Variants in ASIC2 observed in about 807,000 individuals in gnomAD.
ASIC2 encodes acid sensing ion channel subunit 2, also known as acid-sensing ion channel 2.
Under a neutral mutation model 57.3 loss-of-function variants are expected in ASIC2, and 25 were observed. That is an observed-to-expected ratio of 0.44 (90% confidence interval 0.32 to 0.61). The LOEUF is 0.61. Among genes scored for constraint, ASIC2 ranks in the 20% least tolerant of loss-of-function variants. ASIC2 has a pLI of 0.06. For synonymous variants in ASIC2, 319 were observed against 307.5 expected (o/e 1.04, Z -0.39); for missense variants, 641 against 738.1 (o/e 0.87, Z 1.52).
intron 1 of ASIC2, among the ~76,000 whole-genome samples, chr17:33,284,137 TA>T (rs1436362609): frequency 6.6e-6 from 1 of 152,202 alleles, no homozygotes; most frequent in Non-Finnish European, 1.5e-5. Flanking sequence ...ATTAATAGTA[TA>T]AACAATGGTG....
chr17:33,462,440 T>C (rs1294940139), intron 1 of ASIC2, among the ~76,000 whole-genome samples: 1 of 152,178 alleles, frequency 6.6e-6, no homozygotes, highest in Non-Finnish European at 1.5e-5. Flanking sequence ...GTGATCTGAC[T>C]CTGACTATGT....
At chr17:33,350,854 T>C (rs1597694569) in intron 1 of ASIC2, among the ~76,000 whole-genome samples, 2 of 152,178 alleles carry the variant, frequency 1.3e-5, no homozygotes, top group African/African-American at 4.8e-5. Flanking sequence ...TCATAGAAGA[T>C]AGCATCATAG....
rs1221166521 is a variant in ASIC2, at chr17:33,306,562, T to A, written c.556-194495A>T. Among the ~76,000 whole-genome samples, 4 of 152,154 alleles carry A rather than the reference T, an allele frequency of 2.6e-5. No homozygotes were observed. In the South Asian group the frequency reaches 8.3e-4, roughly 32 times the overall value. The stretch of plus-strand genomic sequence containing the variant: ...AACTAAGCCCTCACTTCTCCCACAT[T>A]CCATCCATCACCAAGGGCTGTCGAT... On this transcript the variant is annotated intron_variant, in intron 1 of 9. Coordinates refer to the ASIC2 transcript ENST00000359872.
At chr17:33,351,075 C>T (rs1344177131) in intron 1 of ASIC2, among the ~76,000 whole-genome samples, 1 of 152,194 alleles carries the variant, frequency 6.6e-6, no homozygotes, top group African/African-American at 2.4e-5. Flanking sequence ...CCTTTGGTGT[C>T]AGAAAGCCCT....
chr17:33,760,859 C>A (rs1422262801), intron 1 of ASIC2, among the ~76,000 whole-genome samples: 1 of 152,080 alleles, frequency 6.6e-6, no homozygotes, highest in Admixed American at 6.5e-5. Context: ...GGTCCTGTCC[C>A]CAGGCCCTGA....
intron 1 of ASIC2, among the ~76,000 whole-genome samples, chr17:33,259,515 T>G (rs1050963212): frequency 6.6e-6 from 1 of 151,826 alleles, no homozygotes; most frequent in East Asian, 1.9e-4. Flanking sequence ...AGACAAGGTG[T>G]GCATATCATT....
intron 3 of ASIC2, among the ~76,000 whole-genome samples, chr17:33,038,194 T>C (rs1364108565): frequency 1.3e-5 from 2 of 152,222 alleles, no homozygotes; most frequent in African/African-American, 4.8e-5. Flanking sequence ...TAGTAGGTAC[T>C]TGCCAAGACT....
At chr17:33,063,301 A>G (rs1311611277) in intron 3 of ASIC2, among the ~76,000 whole-genome samples, 3 of 152,190 alleles carry the variant, frequency 2.0e-5, no homozygotes, top group Non-Finnish European at 4.4e-5. Context: ...GGCTGGTACC[A>G]GCTGTTCCTT....
At chr17:33,885,876 G>C (rs549658762) in intron 1 of ASIC2, among the ~76,000 whole-genome samples, 7 of 152,272 alleles carry the variant, frequency 4.6e-5, no homozygotes, top group Non-Finnish European at 8.8e-5. Context: ...ACTGAACTCA[G>C]TAGTGTATTA....
chr17:33,790,263 C>T (rs1340697710), intron 1 of ASIC2, among the ~76,000 whole-genome samples: 1 of 152,070 alleles, frequency 6.6e-6, no homozygotes, highest in African/African-American at 2.4e-5. Context: ...TGATGCATCC[C>T]AACTCTCAAT....
intron 1 of ASIC2, among the ~76,000 whole-genome samples, chr17:34,026,995 A>G (rs1187820002): frequency 6.6e-6 from 1 of 152,224 alleles, no homozygotes; most frequent in East Asian, 1.9e-4. Flanking sequence ...GATTTAACAA[A>G]ATTACCCAGG....
chr17:33,800,742 G>A (rs2142145361), intron 1 of ASIC2, among the ~76,000 whole-genome samples: 1 of 152,274 alleles, frequency 6.6e-6, no homozygotes, highest in Non-Finnish European at 1.5e-5. Flanking sequence ...CAGTATTATA[G>A]TGATAGCAAT....
chr17:33,656,986 G>A (rs1211065745), intron 1 of ASIC2, among the ~76,000 whole-genome samples: 1 of 152,232 alleles, frequency 6.6e-6, no homozygotes, highest in Non-Finnish European at 1.5e-5. Context: ...ACCTGAAGCA[G>A]ATACAGAAAG....
At chr17:33,049,926 A>G (rs943836625) in intron 3 of ASIC2, among the ~76,000 whole-genome samples, 3 of 152,164 alleles carry the variant, frequency 2.0e-5, no homozygotes, top group Non-Finnish European at 4.4e-5. Flanking sequence ...AAGGGGAAAG[A>G]GACTCCTCAT....
At chr17:33,354,330 G>A (rs537705355) in intron 1 of ASIC2, among the ~76,000 whole-genome samples, 1 of 152,062 alleles carries the variant, frequency 6.6e-6, no homozygotes, top group Admixed American at 6.5e-5. Context: ...CCCACTATGA[G>A]CCCCCTGGAG....
intron 1 of ASIC2, among the ~76,000 whole-genome samples, chr17:33,481,711 C>T (rs1174160773): frequency 1.3e-5 from 2 of 152,062 alleles, no homozygotes; most frequent in Non-Finnish European, 2.9e-5. Flanking sequence ...AAAACAAAAA[C>T]AAAACAAAAC....
intron 1 of ASIC2, among the ~76,000 whole-genome samples, chr17:33,744,417 CA>C (rs1367687949): frequency 6.6e-6 from 1 of 152,098 alleles, no homozygotes; most frequent in Non-Finnish European, 1.5e-5. Flanking sequence ...AACAAGCATC[CA>C]AAGAGAGCTC....
At chr17:33,656,502 C>T (rs1907080548) in intron 1 of ASIC2, among the ~76,000 whole-genome samples, 2 of 152,210 alleles carry the variant, frequency 1.3e-5, no homozygotes, top group Non-Finnish European at 2.9e-5. Context: ...GGGTCCCCCT[C>T]AGCAAGTCTG....
intron 1 of ASIC2, among the ~76,000 whole-genome samples, chr17:33,237,125 C>T (rs1208540670): frequency 6.6e-6 from 1 of 152,120 alleles, no homozygotes; most frequent in Non-Finnish European, 1.5e-5. Flanking sequence ...ATGCTGAGGA[C>T]AGTGCTGCTG....
Sources: allele counts gnomAD v4.1 joint callset (sites outside exome capture counted in the v4.1 genomes callset), GRCh38; gene constraint gnomAD v4.1.1; transcripts MANE v1.5; gene names NCBI Gene and HGNC (gene_info 2026-07-23, HGNC 2026-07-21).